The following SCAPER variants were observed in gnomAD, a reference collection of about 807,000 sequenced individuals.
SCAPER encodes the protein S-phase cyclin A associated protein in the ER.
A neutral mutation model predicts 182.2 loss-of-function variants in SCAPER; 98 were observed. The observed-to-expected ratio is 0.54, with a 90% CI of 0.46 to 0.64. The LOEUF is 0.64. Among genes scored for constraint, SCAPER ranks in the 30% least tolerant of loss-of-function variants. The pLI, the probability that SCAPER is intolerant of heterozygous loss-of-function variation, is 0.00. For missense variants in SCAPER, 1,432 were observed against 1,690.0 expected (o/e 0.85, Z 2.68); for synonymous variants, 605 against 564.6 (o/e 1.07, Z -1.01).
At chr15:76,531,305 C>T (rs754170479) in intron 23 of SCAPER, among the ~76,000 whole-genome samples, 29 of 152,038 alleles carry the variant, frequency 1.9e-4, no homozygotes, top group Non-Finnish European at 3.8e-4. Flanking sequence ...TTTTCTTTAT[C>T]AGTCTGGAAA....
intron 20 of SCAPER, among the ~76,000 whole-genome samples, chr15:76,666,791 C>T (rs903914153): frequency 4.6e-5 from 7 of 152,168 alleles, no homozygotes; most frequent in African/African-American, 1.2e-4. Flanking sequence ...ATTATTCAGA[C>T]GAGAGCTTCC....
At position 76,447,971 on chromosome 15, in the gene SCAPER, T is replaced by C. The variant is rs1042781655; in HGVS notation, c.3079-13661A>G. Among the ~76,000 whole-genome samples the C allele has an allele frequency of 3.9e-4, 59 of 152,110 alleles. 2 individuals are homozygous for C. The highest frequency in any genetic ancestry group is 3.8e-3 in the Admixed American group (58 of 15,258). Reference sequence around the variant, plus strand: ...CAGAAAGAGGAAAAACTTAGCCTGCTGGGATGGTGGTGATGTTGGGTAGTG... The same window carrying C: ...CAGAAAGAGGAAAAACTTAGCCTGCCGGGATGGTGGTGATGTTGGGTAGTG... On this transcript the variant is annotated intron_variant, in intron 25 of 31. Transcript: ENST00000563290.
chr15:76,357,551 G>C (rs1436697570), intron 29 of SCAPER, among the ~76,000 whole-genome samples: 1 of 152,132 alleles, frequency 6.6e-6, no homozygotes, highest in Non-Finnish European at 1.5e-5. Context: ...ACAGTATGGA[G>C]GTTTCTCAAC....
intron 29 of SCAPER, among the ~76,000 whole-genome samples, chr15:76,372,092 A>C (rs2042225598): frequency 6.6e-6 from 1 of 152,010 alleles, no homozygotes; most frequent in African/African-American, 2.4e-5. Flanking sequence ...CCCAGATGTA[A>C]ACTGACCTCT....
intron 27 of SCAPER, among the ~76,000 whole-genome samples, chr15:76,397,672 G>T (rs1596433432): frequency 6.6e-6 from 1 of 151,956 alleles, no homozygotes; most frequent in African/African-American, 2.4e-5. Context: ...TAGAGACGGG[G>T]TTTCTACATG....
chr15:76,754,368 AC>A (rs1598526448), intron 14 of SCAPER, among the ~76,000 whole-genome samples: 1 of 152,060 alleles, frequency 6.6e-6, no homozygotes, highest in Non-Finnish European at 1.5e-5. Flanking sequence ...ATAAATGTTA[AC>A]ATCTCTATGA....
At chr15:76,807,289 C>T (rs916094412) in intron 5 of SCAPER, among the ~76,000 whole-genome samples, 1 of 152,168 alleles carries the variant, frequency 6.6e-6, no homozygotes, top group Non-Finnish European at 1.5e-5. Context: ...GCCTTTTCTG[C>T]ACCAACTGAG....
intron 14 of SCAPER, among the ~76,000 whole-genome samples, chr15:76,756,624 T>C (rs892255592): frequency 6.6e-6 from 1 of 152,098 alleles, no homozygotes; most frequent in African/African-American, 2.4e-5. Flanking sequence ...TGGTTGCCTT[T>C]TTCACAGAAA....
chr15:76,574,424 C>CA (rs767591065), intron 22 of SCAPER, 140 bp from the exon 23 acceptor site: 47 of 875,080 alleles, frequency 5.4e-5, no homozygotes, highest in Non-Finnish European at 7.7e-5. Context: ...GAGAAAAAAC[C>CA]AGACAACCAA....
intron 29 of SCAPER, among the ~76,000 whole-genome samples, chr15:76,359,980 G>C (rs774993929): frequency 6.6e-6 from 1 of 152,258 alleles, no homozygotes; most frequent in African/African-American, 2.4e-5. Context: ...TGGATTGAAG[G>C]CTTCAATGGT....
At chr15:76,669,640 T>G (rs1241292508) in intron 20 of SCAPER, among the ~76,000 whole-genome samples, 1 of 152,196 alleles carries the variant, frequency 6.6e-6, no homozygotes, top group African/African-American at 2.4e-5. Flanking sequence ...CACAGATGGT[T>G]AACAAACACA....
At chr15:76,464,620 T>C (rs1425098708) in intron 25 of SCAPER, among the ~76,000 whole-genome samples, 4 of 152,164 alleles carry the variant, frequency 2.6e-5, no homozygotes, top group Middle Eastern at 3.2e-3. Context: ...GTCAATTGTA[T>C]ATGCCACGTT....
intron 27 of SCAPER, among the ~76,000 whole-genome samples, chr15:76,386,474 G>A (rs2141983278): frequency 1.3e-5 from 2 of 152,264 alleles, no homozygotes; most frequent in Admixed American, 1.3e-4. Context: ...ACATTTTAGT[G>A]CAGGAAGATA....
rs761914312 is a variant in SCAPER at position 76,471,342 on chromosome 15, G to A, written c.2955-7C>T. 4.3e-5 allele frequency: 68 copies of A among 1,595,594 alleles called. No individual in the cohort carries two copies. The South Asian group carries it at 7.7e-4, about 18-fold the overall frequency. ...GATTGCATTGCAGAGAGACCTAAAA[G>A]AAGGAGAAAAACACCATTTATAAAA... On this transcript the variant is annotated splice_region_variant and splice_polypyrimidine_tract_variant and intron_variant, in intron 24 of 31. Coordinates refer to ENST00000563290, the MANE Select transcript of SCAPER (RefSeq NM_020843.4).
intron 15 of SCAPER, among the ~76,000 whole-genome samples, chr15:76,743,929 T>C (rs2061673412): frequency 6.6e-6 from 1 of 152,108 alleles, no homozygotes; most frequent in African/African-American, 2.4e-5. Flanking sequence ...ATGGTACTGG[T>C]ACAAAACAGA....
intron 14 of SCAPER, among the ~76,000 whole-genome samples, chr15:76,759,368 C>G (rs1478552717): frequency 6.6e-6 from 1 of 152,042 alleles, no homozygotes; most frequent in East Asian, 1.9e-4. Context: ...CTAAATCAAC[C>G]CTGGAGGAAA....
At chr15:76,831,806 C>G (rs1260678036) in intron 5 of SCAPER, among the ~76,000 whole-genome samples, 1 of 152,074 alleles carries the variant, frequency 6.6e-6, no homozygotes, top group African/African-American at 2.4e-5. Context: ...CCTCTAGGGA[C>G]CAGAGAACAA....
chr15:76,549,320 C>T (rs35566346), intron 23 of SCAPER, among the ~76,000 whole-genome samples: 58,677 of 151,662 alleles, frequency 0.39, 13,068 homozygotes, highest in Middle Eastern at 0.52. Context: ...ATGTTTATTG[C>T]GGCACTATTC....
intron 20 of SCAPER, among the ~76,000 whole-genome samples, chr15:76,690,046 T>C (rs2058266755): frequency 6.6e-6 from 1 of 151,286 alleles, no homozygotes; most frequent in African/African-American, 2.4e-5. Context: ...TGAAACCTAA[T>C]CCCTCCCACA....
Sources: allele counts gnomAD v4.1 joint callset (sites outside exome capture counted in the v4.1 genomes callset), GRCh38; gene constraint gnomAD v4.1.1; transcripts MANE v1.5; gene names NCBI Gene and HGNC (gene_info 2026-07-23, HGNC 2026-07-21).